Variants in RIMS1 observed in about 807,000 individuals in gnomAD.
RIMS1 encodes the protein regulating synaptic membrane exocytosis 1.
RIMS1 carries 83 observed loss-of-function variants against 214.1 expected under a neutral mutation model. That is an observed-to-expected ratio of 0.39 (90% CI 0.32 to 0.47). RIMS1 has a LOEUF of 0.47. Among genes scored for constraint, RIMS1 ranks in the 20% least tolerant of loss-of-function variants. The pLI is 0.99. For synonymous variants in RIMS1, 793 were observed against 786.8 expected (o/e 1.01, Z -0.13); for missense variants, 2,050 against 2,161.8 (o/e 0.95, Z 1.03).
chr6:72,040,531 G>C (rs1348300356), intron 2 of RIMS1, among the ~76,000 whole-genome samples: 3 of 151,952 alleles, frequency 2.0e-5, no homozygotes, highest in Admixed American at 2.0e-4. Context: ...TACAATTTGG[G>C]CTAGTATATT....
chr6:72,283,895 T>C (rs1037258131), intron 23 of RIMS1, among the ~76,000 whole-genome samples, 152 bp from the exon 24 acceptor site: 2 of 152,210 alleles, frequency 1.3e-5, no homozygotes, highest in African/African-American at 2.4e-5. Context: ...CATTCATTCA[T>C]TTATTTGTTT....
chr6:71,897,148 A>G (rs562158432), intron 1 of RIMS1, among the ~76,000 whole-genome samples: 25 of 152,276 alleles, frequency 1.6e-4, no homozygotes, highest in Non-Finnish European at 2.9e-4. Context: ...CAAATCCTAC[A>G]GATTTAATCT....
chr6:71,999,585 A>G (rs1019262650), intron 2 of RIMS1, among the ~76,000 whole-genome samples: 1 of 152,180 alleles, frequency 6.6e-6, no homozygotes, highest in Non-Finnish European at 1.5e-5. Context: ...TTAATAGTAT[A>G]TAAACATTGA....
chr6:72,037,384 G>T (rs927172658), intron 2 of RIMS1, among the ~76,000 whole-genome samples: 1 of 151,960 alleles, frequency 6.6e-6, no homozygotes, highest in African/African-American at 2.4e-5. Context: ...CTGTTCTAAG[G>T]CACAGCATTT....
chr6:72,387,076 C>T (rs765113839), intron 29 of RIMS1, among the ~76,000 whole-genome samples: 9 of 152,210 alleles, frequency 5.9e-5, no homozygotes, highest in East Asian at 1.9e-4. Flanking sequence ...CTAGAATCTA[C>T]GCTCCTTTAA....
rs1314582837 is a variant in RIMS1, at chr6:72,160,442, G to A, written c.472-19133G>A. ...TATGTTGAATAGGAGTGGTGAGAGA[G>A]GACATCCCTGTCTTGTGCCAGTTTT... On this transcript the variant is annotated intron_variant, in intron 4 of 33. Coordinates refer to ENST00000521978, the MANE Select transcript of RIMS1 (RefSeq NM_014989.7). Among the ~76,000 whole-genome samples, 2 of 139,626 alleles carry A rather than the reference G, an allele frequency of 1.4e-5. 1 individual carries two copies. The highest frequency in any genetic ancestry group is 3.2e-5 in the Non-Finnish European group (2 of 61,636). The allele number at this position is 139,626 out of a possible 152,430, so 91.6% of individuals were successfully genotyped here. A position where few individuals can be genotyped will look rare whatever the true frequency, so the allele number is the denominator to read the frequency against.
chr6:71,895,064 T>C (rs1243366725), intron 1 of RIMS1, among the ~76,000 whole-genome samples: 1 of 152,186 alleles, frequency 6.6e-6, no homozygotes, highest in Non-Finnish European at 1.5e-5. Flanking sequence ...TGTACTGTCA[T>C]ATAAAAGTCT....
intron 4 of RIMS1, among the ~76,000 whole-genome samples, chr6:72,160,449 C>T (rs1331925751): frequency 1.4e-5 from 2 of 139,546 alleles, no homozygotes; most frequent in African/African-American, 4.9e-5. Flanking sequence ...AGAGGACATC[C>T]CTGTCTTGTG....
At chr6:72,088,129 T>C (rs1835141427) in intron 2 of RIMS1, among the ~76,000 whole-genome samples, 1 of 152,170 alleles carries the variant, frequency 6.6e-6, no homozygotes, top group Non-Finnish European at 1.5e-5. Context: ...TTTGGAATAT[T>C]GTTCCATAAA....
intron 4 of RIMS1, among the ~76,000 whole-genome samples, chr6:72,111,817 C>T (rs74784563): frequency 0.011 from 1,742 of 152,162 alleles, 11 homozygotes; most frequent in Non-Finnish European, 0.017. Context: ...CCTTTGGTAG[C>T]GTCCTCAGTA....
At chr6:72,214,934 GC>G (rs1284736060) in intron 6 of RIMS1, among the ~76,000 whole-genome samples, 1 of 152,028 alleles carries the variant, frequency 6.6e-6, no homozygotes, top group Non-Finnish European at 1.5e-5. Context: ...TGTTGGCCAG[GC>G]TGTTTCAAAC....
intron 2 of RIMS1, among the ~76,000 whole-genome samples, chr6:72,029,739 C>G (rs567296522): frequency 6.6e-6 from 1 of 152,248 alleles, no homozygotes; most frequent in East Asian, 1.9e-4. Flanking sequence ...AAACATCTGT[C>G]CCATATGCTC....
intron 28 of RIMS1, among the ~76,000 whole-genome samples, chr6:72,315,610 C>A (rs1282204648): frequency 6.6e-6 from 1 of 152,180 alleles, no homozygotes; most frequent in Non-Finnish European, 1.5e-5. Flanking sequence ...GACACGTCTT[C>A]TCTTCTGACA....
chr6:72,008,333 C>T lies in RIMS1; in HGVS notation c.245+39270C>T, dbSNP rs559389705. Among the ~76,000 whole-genome samples the T allele has an allele frequency of 1.1e-3, 162 of 152,126 alleles. 1 individual carries two copies. The highest frequency in any genetic ancestry group is 3.6e-3 in the African/African-American group (150 of 41,506). ...GAGCTCCTGAAGGAAGCACTAAACA[C>T]GGAAAGAAACAACTGGTACCAGCCA... On this transcript the variant is annotated intron_variant, in intron 2 of 33. Coordinates refer to ENST00000521978, the MANE Select transcript of RIMS1 (RefSeq NM_014989.7).
intron 29 of RIMS1, among the ~76,000 whole-genome samples, chr6:72,346,233 G>T (rs141957143): frequency 6.6e-6 from 1 of 151,628 alleles, no homozygotes; most frequent in Admixed American, 6.6e-5. Flanking sequence ...CAAATACAAG[G>T]GTAAGTAGAT....
intron 2 of RIMS1, among the ~76,000 whole-genome samples, chr6:72,005,630 C>T (rs1430702583): frequency 6.6e-6 from 1 of 152,192 alleles, no homozygotes; most frequent in Non-Finnish European, 1.5e-5. Context: ...AAGACACTGA[C>T]TTGCCTCTAT....
rs770845471 is a variant in RIMS1 at position 72,080,074 on chromosome 6, T to TAAA, written c.246-16845_246-16843dup. Among the ~76,000 whole-genome samples the TAAA allele has an allele frequency of 3.0e-3, 68 of 22,400 alleles. 3 individuals carry two copies. Among genetic ancestry groups the TAAA allele is most frequent in the African/African-American group, 5.0e-3 (36 of 7,222 alleles). 14.7% of individuals were successfully genotyped at this position (22,400 alleles called of 152,430 possible). On this transcript the variant is annotated intron_variant, in intron 2 of 33. Coordinates refer to ENST00000521978, the MANE Select transcript of RIMS1 (RefSeq NM_014989.7). ...CAACGTGGTGAAACCGTGTCTCTAC[T>TAAA]AAAAAAAAAAAAAAAAAAAAAAAAA... is the stretch of plus-strand genomic sequence containing the variant.
At chr6:72,323,613 T>C (rs2154320222) in intron 28 of RIMS1, among the ~76,000 whole-genome samples, 1 of 151,848 alleles carries the variant, frequency 6.6e-6, no homozygotes, top group Non-Finnish European at 1.5e-5. Context: ...TTCTAATGTA[T>C]ATAGAGTCCC....
chr6:72,280,635 C>G (rs2089630439), intron 23 of RIMS1, among the ~76,000 whole-genome samples: 2 of 151,856 alleles, frequency 1.3e-5, no homozygotes, highest in East Asian at 3.9e-4. Context: ...AGGTAAATTT[C>G]ATTGCTATTT....
Sources: gnomAD v4.1 joint callset for allele counts (sites outside exome capture counted in the v4.1 genomes callset) on GRCh38, gnomAD v4.1.1 for gene constraint, MANE v1.5 for transcripts, NCBI Gene and HGNC (gene_info 2026-07-23, HGNC 2026-07-21) for gene names.